The following STX18 variants were observed in gnomAD, a reference collection of about 807,000 sequenced individuals.
STX18 encodes the protein syntaxin-18.
Under a neutral mutation model 50.1 loss-of-function variants are expected in STX18, and 40 were observed. The observed-to-expected ratio is 0.80, with a 90% CI of 0.62 to 1.04. STX18 has a LOEUF of 1.04. STX18 is among the 50% of genes least tolerant of loss of function. The pLI is 0.00. For missense variants in STX18, 410 were observed against 415.8 expected, an observed-to-expected ratio of 0.99 and a Z score of 0.12; for synonymous variants, 158 against 151.8, an observed-to-expected ratio of 1.04 and a Z score of -0.30.
At chr4:4,454,819 A>G (rs1418249890) in intron 5 of STX18, among the ~76,000 whole-genome samples, 2 of 152,212 alleles carry the variant, frequency 1.3e-5, no homozygotes, top group Admixed American at 6.5e-5. Flanking sequence ...CTAATTTAGA[A>G]AATGAAATAC....
At chr4:4,459,329 C>A in intron 3 of STX18, 43 bp downstream of exon 3, 1 of 1,413,316 alleles carries the variant, frequency 7.1e-7, no homozygotes. Flanking sequence ...TAACTACTTG[C>A]TATATTCATG....
At chr4:4,479,245 A>C (rs1213310065) in intron 1 of STX18, among the ~76,000 whole-genome samples, 1 of 152,226 alleles carries the variant, frequency 6.6e-6, no homozygotes, top group Admixed American at 6.5e-5. Flanking sequence ...CCTTTTGCAG[A>C]TGAGAAGACA....
At chr4:4,539,002 A>G (rs796817702) in intron 1 of STX18, among the ~76,000 whole-genome samples, 2 of 152,354 alleles carry the variant, frequency 1.3e-5, no homozygotes, top group African/African-American at 4.8e-5. Flanking sequence ...AATTGAGCAT[A>G]AAAGTTAAAT....
At chr4:4,540,211 G>A (rs1731520731) in intron 1 of STX18, among the ~76,000 whole-genome samples, 1 of 152,222 alleles carries the variant, frequency 6.6e-6, no homozygotes, top group Non-Finnish European at 1.5e-5. Flanking sequence ...CTTGCTTAAT[G>A]AAATCATATA....
chr4:4,497,818 T>G (rs772768531), intron 1 of STX18, among the ~76,000 whole-genome samples: 7 of 152,214 alleles, frequency 4.6e-5, no homozygotes, highest in Non-Finnish European at 7.3e-5. Context: ...GATCACCTTG[T>G]CCTATTTTCC....
At chr4:4,524,945 T>C (rs181733053) in intron 1 of STX18, among the ~76,000 whole-genome samples, 3 of 152,104 alleles carry the variant, frequency 2.0e-5, no homozygotes, top group Admixed American at 1.3e-4. Context: ...TTAAATTTGA[T>C]AGGATACGAA....
At position 4,471,621 on chromosome 4, in the gene STX18, A is replaced by T. The variant is rs745529801; in HGVS notation, c.236+18T>A. 3 of 1,511,632 alleles carry T rather than the reference A, an allele frequency of 2.0e-6. No homozygotes were observed. The highest frequency in any genetic ancestry group is 2.7e-6 in the Non-Finnish European group (3 of 1,125,732). The allele number at this position is 1,511,632 out of a possible 1,614,324, so 93.6% of individuals were successfully genotyped here. A position where few individuals can be genotyped will look rare whatever the true frequency, so the allele number is the denominator to read the frequency against. On this transcript the variant is annotated intron_variant, in intron 2 of 10. Transcript: ENST00000306200. ...AGAACACAGTCACCAAAGTCCTGGT[A>T]AAAAAATATGTACTTACCTATAAGC...
At position 4,469,396 on chromosome 4, in the gene STX18, C is replaced by T. The variant is rs189426432; in HGVS notation, c.236+2243G>A. ...TGGCTGATCCCTGATTAGACTTTCTCCCCATGTTTGGCACTGACGTGAAAT... is the reference window on the plus strand; with the variant it reads ...TGGCTGATCCCTGATTAGACTTTCTTCCCATGTTTGGCACTGACGTGAAAT... On this transcript the variant is annotated intron_variant, in intron 2 of 10. Coordinates refer to ENST00000306200, the MANE Select transcript of STX18 (RefSeq NM_016930.4). 4.5e-4 allele frequency among the ~76,000 whole-genome samples: 68 copies of T among 152,088 alleles called. No individual in the cohort carries two copies. The East Asian group carries it at 5.6e-3, about 13-fold the overall frequency.
chr4:4,521,407 A>C (rs904225469), intron 1 of STX18, among the ~76,000 whole-genome samples: 2 of 152,236 alleles, frequency 1.3e-5, no homozygotes, highest in African/African-American at 4.8e-5. Flanking sequence ...GCAAGGGTAG[A>C]ATTCCACCCA....
chr4:4,511,713 A>AGT (rs3038434), intron 1 of STX18, among the ~76,000 whole-genome samples: 12,396 of 137,358 alleles, frequency 0.09, 660 homozygotes, highest in East Asian at 0.16. Flanking sequence ...ACTCATGATT[A>AGT]GTGTGTGTGT....
Position 4,471,629 on chromosome 4 carries a change from A to G in STX18, c.236+10T>C, listed in dbSNP as rs769664129. ...GTCACCAAAGTCCTGGTAAAAAAAT[A>G]TGTACTTACCTATAAGCATTAATAT... is the stretch of plus-strand genomic sequence containing the variant. On this transcript the variant is annotated intron_variant, in intron 2 of 10. Transcript: ENST00000306200. 6.5e-7 allele frequency: 1 copy of G among 1,536,710 alleles called. No individual in the cohort carries two copies. The highest frequency in any genetic ancestry group is 1.3e-5 in the South Asian group (1 of 79,452).
chr4:4,537,621 T>C, intron 1 of STX18, among the ~76,000 whole-genome samples: 1 of 152,196 alleles, frequency 6.6e-6, no homozygotes, highest in East Asian at 1.9e-4. Context: ...GTATTCCCAC[T>C]TTGTTCAGGT....
intron 1 of STX18, among the ~76,000 whole-genome samples, chr4:4,488,032 T>C: frequency 6.6e-6 from 1 of 152,208 alleles, no homozygotes; most frequent in East Asian, 1.9e-4. Context: ...AGTTGTTTTT[T>C]TTTTAAATGT....
chr4:4,494,667 A>G (rs1192761176), intron 1 of STX18, among the ~76,000 whole-genome samples: 9 of 149,168 alleles, frequency 6.0e-5, no homozygotes, highest in Non-Finnish European at 4.4e-5. Context: ...ATTGAATCAC[A>G]TGCTGAGGAA....
intron 2 of STX18, among the ~76,000 whole-genome samples, chr4:4,470,737 T>C (rs1024686523): frequency 7.9e-5 from 12 of 152,224 alleles, no homozygotes; most frequent in East Asian, 3.9e-4. Flanking sequence ...AGGAACAGCA[T>C]AGGCCTGGGC....
chr4:4,506,611 T>C (rs1396643847), intron 1 of STX18, among the ~76,000 whole-genome samples: 1 of 152,026 alleles, frequency 6.6e-6, no homozygotes, highest in Non-Finnish European at 1.5e-5. Flanking sequence ...AAAACACACA[T>C]ACACACACAG....
chr4:4,533,436 T>A lies in STX18; in HGVS notation c.168+8361A>T, dbSNP rs184964139. Among the ~76,000 whole-genome samples, 1,004 of 151,950 alleles carry A rather than the reference T, an allele frequency of 6.6e-3. 5 individuals are homozygous for A. The highest frequency in any genetic ancestry group is 0.012 in the Non-Finnish European group (826 of 68,028). On this transcript the variant is annotated intron_variant, in intron 1 of 10. Coordinates refer to ENST00000306200, the MANE Select transcript of STX18 (RefSeq NM_016930.4). Reference sequence around the variant, plus strand: ...ATTATAAAATCACTCAATAATATATTTCTATCCCCTGAAAAAGAGAAAAAT... The same window carrying A: ...ATTATAAAATCACTCAATAATATATATCTATCCCCTGAAAAAGAGAAAAAT...
At chr4:4,507,359 T>G (rs1461989059) in intron 1 of STX18, 1 of 751,728 alleles carries the variant, frequency 1.3e-6, no homozygotes, top group African/African-American at 1.7e-5. Context: ...GAAATTGAAG[T>G]TGGTGGTGGT....
intron 1 of STX18, among the ~76,000 whole-genome samples, chr4:4,524,969 A>T (rs1730682685): frequency 1.3e-5 from 2 of 152,184 alleles, no homozygotes; most frequent in South Asian, 2.1e-4. Context: ...AAGAAAAGAA[A>T]AGAAAAGAAG....
Sources: allele counts gnomAD v4.1 joint callset (sites outside exome capture counted in the v4.1 genomes callset), GRCh38; gene constraint gnomAD v4.1.1; transcripts MANE v1.5; gene names NCBI Gene and HGNC (gene_info 2026-07-23, HGNC 2026-07-21).